CEP192: variants seen among roughly 807,000 people sequenced by gnomAD.
The protein encoded by CEP192 is centrosomal protein of 192 kDa.
In CEP192, 151 loss-of-function variants were observed where a neutral mutation model predicts 271.8. The ratio of observed to expected loss-of-function variants is 0.56; its 90% CI spans 0.49 to 0.64. The LOEUF (loss-of-function observed/expected upper bound fraction) is 0.64. Among genes scored for constraint, CEP192 ranks in the 30% least tolerant of loss-of-function variants. CEP192 has a pLI of 0.00. For missense variants in CEP192, 2,910 were observed against 3,020.5 expected, an observed-to-expected ratio of 0.96 and a Z score of 0.86; for synonymous variants, 995 against 1,076.5, an observed-to-expected ratio of 0.92 and a Z score of 1.48.
intron 9 of CEP192, among the ~76,000 whole-genome samples, chr18:13,020,923 T>G (rs996200335): frequency 6.6e-6 from 1 of 152,216 alleles, no homozygotes; most frequent in African/African-American, 2.4e-5. Context: ...ATTGAGTTTT[T>G]TTGTTGTTGT....
At position 13,086,924 on chromosome 18, in the gene CEP192, A is replaced by G. The variant is rs2038921424; in HGVS notation, c.5617-93A>G. 4.6e-6 allele frequency: 4 copies of G among 876,888 alleles called. No homozygotes were observed. The South Asian group carries it at 5.4e-5, about 12-fold the overall frequency. The allele number at this position is 876,888 out of a possible 1,614,324, so 54.3% of individuals were successfully genotyped here. A position where few individuals can be genotyped will look rare whatever the true frequency, so the allele number is the denominator to read the frequency against. ...CACAAACATTTAAATTTTTAATTGT[A>G]TTAAATCTTTCTGAATTTTCTTCTC... is the stretch of plus-strand genomic sequence containing the variant. On this transcript the variant is annotated intron_variant, in intron 30 of 44. Transcript: ENST00000506447.
At chr18:13,064,145 AG>A (rs1422049516) in intron 21 of CEP192, among the ~76,000 whole-genome samples, 1 of 151,732 alleles carries the variant, frequency 6.6e-6, no homozygotes, top group Non-Finnish European at 1.5e-5. Flanking sequence ...GTAGTTTCAT[AG>A]TTTGAGCTGT....
intron 15 of CEP192, among the ~76,000 whole-genome samples, chr18:13,045,554 ATT>A (rs1182038662): frequency 1.3e-5 from 2 of 152,174 alleles, no homozygotes; most frequent in African/African-American, 2.4e-5. Context: ...CTTAGGTGAG[ATT>A]TAAATCGGAA....
chr18:13,095,740 C>A (rs2039366569), intron 35 of CEP192, 59 bp downstream of exon 35: 1 of 1,434,844 alleles, frequency 7.0e-7, no homozygotes, highest in Non-Finnish European at 9.6e-7. Context: ...CCTGCACTCC[C>A]ATTGTGCCCA....
At position 13,001,533 on chromosome 18, in the gene CEP192, A is replaced by G. The variant is rs1017519939; in HGVS notation, c.241A>G (p.Ser81Gly). 4 of 1,551,072 alleles carry G rather than the reference A, an allele frequency of 2.6e-6. No individual in the cohort carries two copies. The highest frequency in any genetic ancestry group is 1.4e-5 in the African/African-American group (1 of 73,044). The change falls in exon 3 of 45, where the codon AGT becomes GGT. Residue 81 changes from serine to glycine, a missense_variant. Physicochemically the swap from Ser to Gly is moderately conservative, Grantham distance 56 (BLOSUM62 0). Transcript: ENST00000506447. ...ATCCGGGTCATCTCCCGGAAGCCAG[A>G]GTGATGCTGAACCAAGAGAGAGGTT... ...VPSGSSPGSQ[S>G]DAEPRERLQL...
Position 13,107,716 on chromosome 18 carries a change from C to A in CEP192, c.7047+2637C>A, listed in dbSNP as rs111647164. ...AATGACAAGGACTAGTTTTAGGTAA[C>A]CTCCAATTGAATTGTTTTTATTTTT... On this transcript the variant is annotated intron_variant, in intron 40 of 44. Coordinates refer to ENST00000506447, the MANE Select transcript of CEP192 (RefSeq NM_032142.4). Among the ~76,000 whole-genome samples, 218 of 152,244 alleles carry A rather than the reference C, an allele frequency of 1.4e-3. 1 individual carries two copies. In the Middle Eastern group the frequency reaches 0.02, roughly 14 times the overall value.
intron 32 of CEP192, 145 bp downstream of exon 32, chr18:13,087,791 T>C (rs1163379476): frequency 4.6e-6 from 2 of 431,662 alleles, no homozygotes; most frequent in Admixed American, 8.3e-5. Context: ...TTTATGTGGA[T>C]GATGAGCTAC....
At chr18:13,026,275 T>G (rs1312793212) in intron 9 of CEP192, among the ~76,000 whole-genome samples, 11 of 152,186 alleles carry the variant, frequency 7.2e-5, no homozygotes, top group Non-Finnish European at 1.5e-4. Flanking sequence ...TCTGGTTTCT[T>G]TAGGATTTTT....
intron 39 of CEP192, chr18:13,103,978 C>T (rs1411178642): frequency 5.0e-6 from 2 of 402,686 alleles, no homozygotes; most frequent in Non-Finnish European, 9.9e-6. Flanking sequence ...GTGTGAGCTG[C>T]TGCACCTGGC....
intron 21 of CEP192, among the ~76,000 whole-genome samples, chr18:13,066,511 C>A (rs938879427): frequency 6.6e-6 from 1 of 152,214 alleles, no homozygotes; most frequent in East Asian, 1.9e-4. Context: ...AATGATGTGT[C>A]CTAGTCTTTG....
rs1189947234 is a variant in CEP192 at position 13,008,634 on chromosome 18, A to G, written c.466+3A>G. On this transcript the variant is annotated splice_donor_region_variant and intron_variant, in intron 4 of 44. Transcript: ENST00000506447. ...TTCACCACTGGAACAAGCACAAGGT[A>G]CTGAACTATTTGAAATTATTTCTTA... 6.6e-7 allele frequency: 1 copy of G among 1,522,892 alleles called. No individual in the cohort carries two copies. The highest frequency in any genetic ancestry group is 8.8e-7 in the Non-Finnish European group (1 of 1,136,082). 94.3% of individuals were successfully genotyped at this position (1,522,892 alleles called of 1,614,324 possible).
intron 39 of CEP192, among the ~76,000 whole-genome samples, chr18:13,104,360 T>C (rs556496930): frequency 6.6e-6 from 1 of 152,210 alleles, no homozygotes; most frequent in South Asian, 2.1e-4. Flanking sequence ...CTGAATTCAG[T>C]GGGTGTGTCA....
At chr18:13,110,539 T>C (rs1378023407) in intron 40 of CEP192, among the ~76,000 whole-genome samples, 1 of 151,890 alleles carries the variant, frequency 6.6e-6, no homozygotes, top group Non-Finnish European at 1.5e-5. Context: ...AGAATTAGGG[T>C]AGACCCTTAC....
chr18:13,087,510 A>AT (rs750557781), intron 31 of CEP192, 21 bp from the exon 32 acceptor site: 1,278 of 1,188,068 alleles, frequency 1.1e-3, no homozygotes, highest in South Asian at 1.2e-3. Flanking sequence ...TTTACTCCTG[A>AT]TTTTTTTTTC....
chr18:13,018,486 G>A lies in CEP192; in HGVS notation c.796G>A (p.Glu266Lys). Residue 266 changes from glutamate to lysine, a missense_variant, in exon 8 of 45, where the codon GAA becomes AAA. By Grantham distance (56) the Glu-to-Lys change is moderately conservative (BLOSUM62 1). Transcript: ENST00000506447. Reference protein sequence around the residue: ...LPTNGLRQANENGSLNCKFQS... With the variant: ...LPTNGLRQANKNGSLNCKFQS... ...TAAGATATTCTTTCAACAGGCAAAT[G>A]AAAACGGTAGCTTAAACTGCAAGTT... The A allele has an allele frequency of 6.6e-7, 1 of 1,521,074 alleles. No homozygotes were observed. 94.2% of individuals were successfully genotyped at this position (1,521,074 alleles called of 1,614,324 possible). A position where few individuals can be genotyped will look rare whatever the true frequency, so the allele number is the denominator to read the frequency against.
chr18:13,121,756 C>T (rs1481049342), intron 44 of CEP192, among the ~76,000 whole-genome samples: 2 of 152,172 alleles, frequency 1.3e-5, no homozygotes, highest in Non-Finnish European at 2.9e-5. Flanking sequence ...TCAACTGTGC[C>T]CTCATGTCCT....
chr18:13,052,239 G>A (rs945499219), intron 17 of CEP192, among the ~76,000 whole-genome samples: 2 of 152,148 alleles, frequency 1.3e-5, no homozygotes, highest in Admixed American at 1.3e-4. Flanking sequence ...ACGTTGTGTA[G>A]CAGGGACATC....
chr18:13,038,775 A>G (rs1204870401), intron 13 of CEP192, among the ~76,000 whole-genome samples, 196 bp downstream of exon 13: 2 of 152,172 alleles, frequency 1.3e-5, no homozygotes, highest in East Asian at 1.9e-4. Context: ...ACATTGAGCA[A>G]TTTAACTCCT....
intron 28 of CEP192, among the ~76,000 whole-genome samples, chr18:13,071,832 A>G (rs1390342721): frequency 6.6e-6 from 1 of 152,200 alleles, no homozygotes; most frequent in Admixed American, 6.5e-5. Flanking sequence ...CACTCAAGCA[A>G]TAACTGGCTT....
Sources: gnomAD v4.1 joint callset for allele counts (sites outside exome capture counted in the v4.1 genomes callset) on GRCh38, gnomAD v4.1.1 for gene constraint, MANE v1.5 for transcripts, NCBI Gene and HGNC (gene_info 2026-07-23, HGNC 2026-07-21) for gene names.